TAOK3: variants seen among roughly 807,000 people sequenced by gnomAD.
TAOK3 encodes serine/threonine-protein kinase TAO3.
A neutral mutation model predicts 120.4 loss-of-function variants in TAOK3; 40 were observed. The observed-to-expected ratio is 0.33, with a 90% CI of 0.26 to 0.43. TAOK3 has a LOEUF of 0.43. TAOK3 is among the 20% of genes least tolerant of loss of function. The probability of loss-of-function intolerance (pLI) is 1.00; values close to 1 mark genes in which losing one functional copy is unlikely to be tolerated. For synonymous variants in TAOK3, 355 were observed against 387.5 expected (o/e 0.92, Z 0.99); for missense variants, 821 against 1,112.1 (o/e 0.74, Z 3.72).
intron 1 of TAOK3, among the ~76,000 whole-genome samples, chr12:118,299,597 C>T (rs1384704423): frequency 6.6e-6 from 1 of 152,126 alleles, no homozygotes; most frequent in African/African-American, 2.4e-5. Flanking sequence ...GCAACCTCTG[C>T]CTCCCAGGTT....
At chr12:118,181,633 C>A in intron 14 of TAOK3, 26 bp from the exon 15 acceptor site, 1 of 1,598,334 alleles carries the variant, frequency 6.3e-7, no homozygotes, top group Non-Finnish European at 8.6e-7. Context: ...AAACAGAACT[C>A]AGGTAACCAG....
chr12:118,216,982 A>T (rs1317445635), intron 9 of TAOK3, among the ~76,000 whole-genome samples: 1 of 151,832 alleles, frequency 6.6e-6, no homozygotes. Context: ...AAGATAAATC[A>T]CTATCTCTTT....
chr12:118,293,930 G>A (rs913628024), intron 1 of TAOK3, among the ~76,000 whole-genome samples: 3 of 141,686 alleles, frequency 2.1e-5, no homozygotes, highest in Non-Finnish European at 4.6e-5. Flanking sequence ...TAGGAGAATC[G>A]CTTGAACCCG....
intron 11 of TAOK3, among the ~76,000 whole-genome samples, chr12:118,207,228 A>C (rs1156638259): frequency 6.6e-6 from 1 of 151,482 alleles, no homozygotes; most frequent in Non-Finnish European, 1.5e-5. Context: ...AGGGAGGGCG[A>C]GGCAGGAGAA....
intron 1 of TAOK3, among the ~76,000 whole-genome samples, chr12:118,276,987 A>G (rs1333739060): frequency 6.6e-6 from 1 of 152,224 alleles, no homozygotes; most frequent in Non-Finnish European, 1.5e-5. Context: ...CCTGGGCAAC[A>G]GAGTGAGAGA....
At chr12:118,263,655 A>G (rs2041324864) in intron 2 of TAOK3, among the ~76,000 whole-genome samples, 1 of 152,184 alleles carries the variant, frequency 6.6e-6, no homozygotes. Flanking sequence ...AGAAAATAAG[A>G]AAACCCAATT....
chr12:118,170,602 A>C (rs1246795317), intron 17 of TAOK3, among the ~76,000 whole-genome samples: 2 of 152,124 alleles, frequency 1.3e-5, no homozygotes, highest in Non-Finnish European at 2.9e-5. Flanking sequence ...ACCTCTACTA[A>C]AAATATAAAA....
At chr12:118,363,392 T>C (rs2045657778) in intron 1 of TAOK3, among the ~76,000 whole-genome samples, 1 of 152,192 alleles carries the variant, frequency 6.6e-6, no homozygotes, top group African/African-American at 2.4e-5. Context: ...ACAATTAAGA[T>C]ACTAGTTGCA....
chr12:118,188,966 G>A (rs779349925), intron 14 of TAOK3, among the ~76,000 whole-genome samples: 23 of 152,190 alleles, frequency 1.5e-4, no homozygotes, highest in Non-Finnish European at 2.9e-4. Context: ...GCACGCGCAC[G>A]CGTGGGGGCC....
At chr12:118,162,794 C>G (rs991924778) in intron 17 of TAOK3, among the ~76,000 whole-genome samples, 2 of 151,958 alleles carry the variant, frequency 1.3e-5, no homozygotes, top group African/African-American at 4.8e-5. Flanking sequence ...TTCTTTCTTT[C>G]TTTCTTTGGT....
At chr12:118,280,546 T>C (rs1171091874) in intron 1 of TAOK3, among the ~76,000 whole-genome samples, 3 of 152,234 alleles carry the variant, frequency 2.0e-5, no homozygotes, top group South Asian at 4.1e-4. Context: ...TCTGTTCCAC[T>C]GGTCTATGTG....
chr12:118,247,865 AAAAT>A (rs1270265896), intron 3 of TAOK3, among the ~76,000 whole-genome samples: 1 of 152,200 alleles, frequency 6.6e-6, no homozygotes, highest in Non-Finnish European at 1.5e-5. Context: ...AATTTTCATA[AAAAT>A]AAATACAAGA....
chr12:118,282,163 GTTC>G (rs1423909352), intron 1 of TAOK3, among the ~76,000 whole-genome samples: 1 of 152,196 alleles, frequency 6.6e-6, no homozygotes, highest in Non-Finnish European at 1.5e-5. Flanking sequence ...AATTCTAAAA[GTTC>G]TTCTTATGTG....
chr12:118,227,646 C>T (rs1298078319), intron 9 of TAOK3, among the ~76,000 whole-genome samples: 1 of 152,050 alleles, frequency 6.6e-6, no homozygotes, highest in African/African-American at 2.4e-5. Context: ...AGATGAGAAA[C>T]TGAGGATTAG....
intron 13 of TAOK3, among the ~76,000 whole-genome samples, chr12:118,191,658 A>T (rs901069981): frequency 2.0e-5 from 3 of 152,200 alleles, no homozygotes; most frequent in African/African-American, 7.2e-5. Flanking sequence ...GCGAAATTTG[A>T]ACTCCTGTTT....
intron 20 of TAOK3, 124 bp from the exon 21 acceptor site, chr12:118,151,282 C>CGT (rs1555282461): frequency 9.3e-6 from 5 of 537,234 alleles, no homozygotes; most frequent in African/African-American, 4.0e-5. Context: ...ATGAAGTGCG[C>CGT]GCGCGCGCAC....
rs551247969 is a variant in TAOK3, at chr12:118,256,292, T to C, written c.-88-637A>G. The stretch of plus-strand genomic sequence containing the variant: ...AGTGTTTGTGAAAATGCTGAGAAAT[T>C]AGAACCCTCCAACACTGCTGGTAGC... On this transcript the variant is annotated intron_variant, in intron 2 of 20. Coordinates refer to ENST00000392533, the MANE Select transcript of TAOK3 (RefSeq NM_016281.4). 3.9e-5 allele frequency among the ~76,000 whole-genome samples: 6 copies of C among 152,244 alleles called. No homozygotes were observed. The East Asian group carries it at 5.8e-4, about 15-fold the overall frequency.
At chr12:118,353,107 T>G (rs1231494666) in intron 1 of TAOK3, among the ~76,000 whole-genome samples, 3 of 152,210 alleles carry the variant, frequency 2.0e-5, no homozygotes, top group African/African-American at 7.2e-5. Flanking sequence ...CTGTGAAAGA[T>G]TTAGCTAAAA....
chr12:118,322,309 T>C (rs1236937625), intron 1 of TAOK3, among the ~76,000 whole-genome samples: 1 of 122,452 alleles, frequency 8.2e-6, no homozygotes, highest in Admixed American at 9.0e-5. Flanking sequence ...AGTGAGACTG[T>C]CTCAAAAAAA....
Sources: gnomAD v4.1 joint callset for allele counts (sites outside exome capture counted in the v4.1 genomes callset) on GRCh38, gnomAD v4.1.1 for gene constraint, MANE v1.5 for transcripts, NCBI Gene and HGNC (gene_info 2026-07-23, HGNC 2026-07-21) for gene names.